Variants in MAP3K5 observed in about 807,000 individuals in gnomAD.
MAP3K5 encodes ASK-1.
A neutral mutation model predicts 158.7 loss-of-function variants in MAP3K5; 56 were observed. That is an observed-to-expected ratio of 0.35 (90% CI 0.28 to 0.44). The LOEUF (loss-of-function observed/expected upper bound fraction) is 0.44. Among genes scored for constraint, MAP3K5 ranks in the 20% least tolerant of loss-of-function variants. The probability of loss-of-function intolerance (pLI) is 1.00; values close to 1 mark genes in which losing one functional copy is unlikely to be tolerated. For synonymous variants in MAP3K5, 579 were observed against 601.7 expected (o/e 0.96, Z 0.55); for missense variants, 1,294 against 1,674.8 (o/e 0.77, Z 3.97).
At chr6:136,663,603 TCA>T (rs1425902088) in intron 8 of MAP3K5, among the ~76,000 whole-genome samples, 1 of 145,198 alleles carries the variant, frequency 6.9e-6, no homozygotes, top group East Asian at 2.0e-4. Context: ...TCTAAATTTC[TCA>T]CTTTTTTTTT....
At chr6:136,740,111 A>C (rs1371570463) in intron 1 of MAP3K5, among the ~76,000 whole-genome samples, 1 of 152,186 alleles carries the variant, frequency 6.6e-6, no homozygotes, top group African/African-American at 2.4e-5. Flanking sequence ...AATGATGGAA[A>C]TTTTACAAAT....
chr6:136,720,311 T>A (rs1364216209), intron 2 of MAP3K5, 139 bp downstream of exon 2: 4 of 683,766 alleles, frequency 5.8e-6, no homozygotes, highest in East Asian at 6.5e-5. Context: ...ACCTCCCAAT[T>A]TGACAAGTAA....
intron 1 of MAP3K5, among the ~76,000 whole-genome samples, chr6:136,783,030 GC>G (rs1293679983): frequency 6.6e-6 from 1 of 152,142 alleles, no homozygotes; most frequent in African/African-American, 2.4e-5. Context: ...TAGGCTAGGC[GC>G]AGTGGCCCAC....
At chr6:136,752,831 A>G (rs1399605380) in intron 1 of MAP3K5, among the ~76,000 whole-genome samples, 2 of 152,188 alleles carry the variant, frequency 1.3e-5, no homozygotes, top group Non-Finnish European at 2.9e-5. Context: ...GGCTGGGACA[A>G]TGGCTGGAGG....
chr6:136,677,339 G>A (rs377050660), intron 7 of MAP3K5, among the ~76,000 whole-genome samples: 14 of 152,062 alleles, frequency 9.2e-5, no homozygotes, highest in Non-Finnish European at 1.3e-4. Flanking sequence ...GGGTTTCACC[G>A]TGTTAACCAG....
intron 13 of MAP3K5, among the ~76,000 whole-genome samples, chr6:136,637,862 G>A (rs1777721694): frequency 6.6e-6 from 1 of 152,136 alleles, no homozygotes; most frequent in Non-Finnish European, 1.5e-5. Context: ...TAAGGGAAGA[G>A]CAGGTTATGG....
chr6:136,702,297 G>A (rs1048696975), intron 3 of MAP3K5, among the ~76,000 whole-genome samples: 1 of 152,190 alleles, frequency 6.6e-6, no homozygotes, highest in Non-Finnish European at 1.5e-5. Context: ...GTATGCAGTG[G>A]AGGAAAAGTT....
At chr6:136,765,487 TTTTA>T (rs1344939654) in intron 1 of MAP3K5, among the ~76,000 whole-genome samples, 6 of 151,564 alleles carry the variant, frequency 4.0e-5, no homozygotes, top group African/African-American at 1.2e-4. Context: ...TGTATTTATT[TTTTA>T]TTTGTTTATT....
chr6:136,636,164 G>A (rs1286205737), intron 14 of MAP3K5, among the ~76,000 whole-genome samples: 1 of 151,534 alleles, frequency 6.6e-6, no homozygotes, highest in Non-Finnish European at 1.5e-5. Context: ...TAGGAGGTGA[G>A]GCCTTTGGGA....
At chr6:136,736,861 A>G (rs1166219904) in intron 1 of MAP3K5, among the ~76,000 whole-genome samples, 33 of 151,428 alleles carry the variant, frequency 2.2e-4, no homozygotes, top group Admixed American at 2.2e-3. Flanking sequence ...TATTTTTTCT[A>G]GAGACAGTGT....
chr6:136,778,967 A>T (rs1784502474), intron 1 of MAP3K5, among the ~76,000 whole-genome samples: 1 of 152,160 alleles, frequency 6.6e-6, no homozygotes, highest in South Asian at 2.1e-4. Flanking sequence ...GGAGTTTGAG[A>T]CCAGCCTAGG....
intron 8 of MAP3K5, among the ~76,000 whole-genome samples, chr6:136,662,331 T>C (rs1235403847): frequency 6.6e-6 from 1 of 151,766 alleles, no homozygotes; most frequent in Non-Finnish European, 1.5e-5. Flanking sequence ...AAAAGGAACA[T>C]TGTCTTTTTT....
chr6:136,592,046 T>C (rs1775409538), intron 23 of MAP3K5, 127 bp downstream of exon 23: 1 of 689,168 alleles, frequency 1.5e-6, no homozygotes, highest in Non-Finnish European at 2.3e-6. Flanking sequence ...TCCTGTGGGG[T>C]AGGTTTATCA....
chr6:136,692,886 G>A (rs1042164802), intron 7 of MAP3K5, among the ~76,000 whole-genome samples: 9 of 152,188 alleles, frequency 5.9e-5, no homozygotes, highest in Admixed American at 2.0e-4. Flanking sequence ...AGCTCAGGAG[G>A]TGGAGGTGGC....
At chr6:136,585,973 AT>A (rs1298117219) in intron 23 of MAP3K5, among the ~76,000 whole-genome samples, 1 of 152,218 alleles carries the variant, frequency 6.6e-6, no homozygotes, top group African/African-American at 2.4e-5. Context: ...GGCTGTGAAA[AT>A]TATAATTTCT....
chr6:136,656,209 A>G, intron 10 of MAP3K5, 98 bp downstream of exon 10: 1 of 1,019,716 alleles, frequency 9.8e-7, no homozygotes, highest in East Asian at 2.4e-5. Context: ...CTGCAGTTTT[A>G]AGGCACCAAA....
intron 1 of MAP3K5, among the ~76,000 whole-genome samples, chr6:136,737,037 G>GTGTGTGTATATATATATA (rs759947051): frequency 2.4e-5 from 3 of 127,002 alleles, no homozygotes; most frequent in African/African-American, 1.1e-4. Flanking sequence ...ATATGTGTGT[G>GTGTGTGTATATATATATA]TATATATATA....
intron 14 of MAP3K5, among the ~76,000 whole-genome samples, chr6:136,627,673 C>T (rs1036472987): frequency 7.9e-5 from 12 of 152,282 alleles, no homozygotes; most frequent in Admixed American, 7.8e-4. Context: ...CATGTGAGCA[C>T]CCACAGAAGG....
intron 1 of MAP3K5, among the ~76,000 whole-genome samples, chr6:136,733,332 T>C (rs1782307421): frequency 6.6e-6 from 1 of 152,158 alleles, no homozygotes; most frequent in Non-Finnish European, 1.5e-5. Context: ...GTTTAGTAAG[T>C]GCTATTGAGG....
Sources: gnomAD v4.1 joint callset for allele counts (sites outside exome capture counted in the v4.1 genomes callset) on GRCh38, gnomAD v4.1.1 for gene constraint, MANE v1.5 for transcripts, NCBI Gene and HGNC (gene_info 2026-07-23, HGNC 2026-07-21) for gene names.